HSP90AB1: variants seen among roughly 807,000 people sequenced by gnomAD.
HSP90AB1 encodes heat shock protein HSP 90-beta.
In HSP90AB1, 17 loss-of-function variants were observed where a neutral mutation model predicts 67.8. That is an observed-to-expected ratio of 0.25 (90% confidence interval 0.17 to 0.38). The LOEUF (loss-of-function observed/expected upper bound fraction) is 0.38, where lower values mean the gene tolerates loss of function less well. Ranked by LOEUF, HSP90AB1 falls within the 10% of genes least tolerant of loss-of-function variation. The pLI is 1.00. For synonymous variants in HSP90AB1, 390 were observed against 312.9 expected (o/e 1.25, Z -2.60); for missense variants, 690 against 899.9 (o/e 0.77, Z 2.98).
chr6:44,251,309 A>C (rs1561900086), intron 7 of HSP90AB1, 96 bp downstream of exon 7: 5 of 1,533,366 alleles, frequency 3.3e-6, no homozygotes, highest in Non-Finnish European at 4.5e-6. Flanking sequence ...TCTGCAATAC[A>C]TAGTAGGTGT....
chr6:44,253,189 C>T lies in HSP90AB1; in HGVS notation c.1876C>T (p.Leu626=), dbSNP rs1436120446. The T allele has an allele frequency of 1.2e-6, 2 of 1,614,084 alleles. No homozygotes were observed. Among genetic ancestry groups the T allele is most frequent in the African/African-American group, 2.7e-5 (2 of 74,932 alleles). The part of the protein sequence containing the change: ...TMGYMMAKKH[L]EINPDHPIVE... Reference sequence around the variant, plus strand: ...GGGCTATATGATGGCCAAAAAGCACCTGGAGATCAACCCTGACCACCCCAT... The same window carrying T: ...GGGCTATATGATGGCCAAAAAGCACTTGGAGATCAACCCTGACCACCCCAT... Residue 626 remains leucine, a synonymous_variant, in exon 11 of 12, where the codon CTG becomes TTG. Transcript: ENST00000371646.
At chr6:44,249,956 C>G (rs377375890) in intron 4 of HSP90AB1, 65 bp from the exon 5 acceptor site, 18 of 1,596,382 alleles carry the variant, frequency 1.1e-5, no homozygotes, top group Non-Finnish European at 1.5e-5. Context: ...CTGATACTTA[C>G]TAATTGCTGG....
At chr6:44,252,849 G>C (rs1351676531) in intron 10 of HSP90AB1, among the ~76,000 whole-genome samples, 196 bp from the exon 11 acceptor site, 1 of 150,790 alleles carries the variant, frequency 6.6e-6, no homozygotes, top group Non-Finnish European at 1.5e-5. Flanking sequence ...CAAGTCTCCT[G>C]AGTGGCTGGG....
rs774919578 is a variant in HSP90AB1 at position 44,252,222 on chromosome 6, C to T, written c.1686C>T (p.Asn562=). Residue 562 remains asparagine (N), a synonymous_variant, in exon 10 of 12, where the codon AAC becomes AAT. Transcript: ENST00000371646. ...KMEESKAKFE[N]LCKLMKEILD... is the part of the protein sequence containing the mutation. ...AAGAGAGCAAGGCAAAGTTTGAGAA[C>T]CTCTGCAAGCTCATGAAAGAAATCT... 6.2e-7 allele frequency: 1 copy of T among 1,614,098 alleles called. No homozygotes were observed.
chr6:44,249,949 ATACT>A (rs1466894333), intron 4 of HSP90AB1, 68 bp from the exon 5 acceptor site: 11 of 1,591,832 alleles, frequency 6.9e-6, no homozygotes, highest in Admixed American at 1.7e-5. Flanking sequence ...AGTTCTGCTG[ATACT>A]TACTAATTGC....
intron 6 of HSP90AB1, 35 bp downstream of exon 6, chr6:44,250,634 A>C: frequency 8.5e-7 from 1 of 1,170,718 alleles, no homozygotes. Flanking sequence ...CTCAACATGC[A>C]CATATGGAGA....
At chr6:44,248,301 C>T (rs957359570) in intron 1 of HSP90AB1, among the ~76,000 whole-genome samples, 8 of 152,192 alleles carry the variant, frequency 5.3e-5, no homozygotes, top group Non-Finnish European at 7.3e-5. Context: ...CTCTAGATAC[C>T]TGGGTTGGAC....
At chr6:44,250,208 C>G (rs1780468741) in intron 5 of HSP90AB1, 54 bp downstream of exon 5, 15 of 1,612,124 alleles carry the variant, frequency 9.3e-6, no homozygotes, top group Non-Finnish European at 1.2e-5. Context: ...GTTTCCTGTT[C>G]TGGAGAATCT....
intron 2 of HSP90AB1, 123 bp downstream of exon 2, chr6:44,248,899 C>A: frequency 1.2e-6 from 1 of 862,690 alleles, no homozygotes; most frequent in South Asian, 1.7e-5. Flanking sequence ...GCAGCTATTC[C>A]AAAAAGATGG....
At chr6:44,250,869 C>T (rs772103534) in intron 6 of HSP90AB1, among the ~76,000 whole-genome samples, 179 bp from the exon 7 acceptor site, 3 of 152,224 alleles carry the variant, frequency 2.0e-5, no homozygotes, top group Non-Finnish European at 4.4e-5. Flanking sequence ...TTTCTACATA[C>T]AGCTAGTACC....
intron 1 of HSP90AB1, among the ~76,000 whole-genome samples, 180 bp downstream of exon 1, chr6:44,247,375 T>C (rs996061752): frequency 3.9e-5 from 6 of 152,114 alleles, no homozygotes; most frequent in African/African-American, 1.4e-4. Flanking sequence ...TCCTCGGTTT[T>C]CTCTAGTGTG....
chr6:44,253,733 T>G lies in HSP90AB1; in HGVS notation c.*135T>G, dbSNP rs1781040666. Reference sequence around the variant, plus strand: ...TGTTTTTTTCCCTCTCCTGTCCTTGTGTTGAAGGCAGTAAACTAAGGGTGT... The same window carrying G: ...TGTTTTTTTCCCTCTCCTGTCCTTGGGTTGAAGGCAGTAAACTAAGGGTGT... On this transcript the variant is annotated 3_prime_UTR_variant, in exon 12 of 12. Coordinates refer to ENST00000371646, the MANE Select transcript of HSP90AB1 (RefSeq NM_007355.4). The G allele has an allele frequency of 7.6e-6, 6 of 789,206 alleles. No homozygotes were observed. In the East Asian group the frequency reaches 1.5e-4, roughly 19 times the overall value. The allele number at this position is 789,206 out of a possible 1,614,324, so 48.9% of individuals were successfully genotyped here.
At position 44,253,744 on chromosome 6, in the gene HSP90AB1, G is replaced by A. The variant is rs1781042507; in HGVS notation, c.*146G>A. 1 of 782,336 alleles carries A rather than the reference G, an allele frequency of 1.3e-6. No individual in the cohort carries two copies. The highest frequency in any genetic ancestry group is 2.4e-6 in the Non-Finnish European group (1 of 420,674). The allele number at this position is 782,336 out of a possible 1,614,324, so 48.5% of individuals were successfully genotyped here. A position where few individuals can be genotyped will look rare whatever the true frequency, so the allele number is the denominator to read the frequency against. ...CTCTCCTGTCCTTGTGTTGAAGGCA[G>A]TAAACTAAGGGTGTCAAGCCCCATT... On this transcript the variant is annotated 3_prime_UTR_variant, in exon 12 of 12. Transcript: ENST00000371646.
intron 2 of HSP90AB1, among the ~76,000 whole-genome samples, chr6:44,248,984 A>G (rs1278416610): frequency 4.6e-5 from 7 of 152,240 alleles, no homozygotes; most frequent in African/African-American, 1.2e-4. Flanking sequence ...AACTGGTTCT[A>G]AAGCCTCAAG....
In HSP90AB1 at chr6:44,248,763, C is replaced by G; in HGVS notation, c.134C>G (p.Ser45Cys). ...NKEIFLRELI[S>C]NASDALDKIR... ...GAGATTTTCCTTCGGGAGTTGATCT[C>G]TAATGCTTCTGATGTAGGTGCTCTG... is the stretch of plus-strand genomic sequence containing the variant. Residue 45 changes from serine (S) to cysteine (C), a missense_variant, in exon 2 of 12, where the codon TCT (serine) becomes TGT (cysteine). Ser to Cys is a moderately radical substitution (Grantham distance 112). Transcript: ENST00000371646. 6.2e-7 allele frequency: 1 copy of G among 1,613,260 alleles called. No homozygotes were observed. The highest frequency in any genetic ancestry group is 8.5e-7 in the Non-Finnish European group (1 of 1,179,686).
intron 2 of HSP90AB1, 87 bp from the exon 3 acceptor site, chr6:44,249,290 C>A: frequency 1.8e-6 from 2 of 1,092,876 alleles, no homozygotes; most frequent in Non-Finnish European, 2.8e-6. Context: ...AGTGAGCTGT[C>A]ATCCTTGCCA....
In HSP90AB1 at chr6:44,248,702, A is replaced by G; in HGVS notation, c.73A>G (p.Met25Val). Residue 25 changes from methionine (M) to valine (V), a missense_variant, in exon 2 of 12, where the codon ATG becomes GTG. This residue lies in a region of HSP90AB1 where 88 missense variants were observed against 167.7 expected (regional missense o/e 0.52). Transcript: ENST00000371646. ...FAFQAEIAQL[M>V]SLIINTFYSN... ...CTTTCAGGCAGAAATTGCCCAACTC[A>G]TGTCCCTCATCATCAATACCTTCTA... is the stretch of plus-strand genomic sequence containing the variant. 1.2e-6 allele frequency: 2 copies of G among 1,613,992 alleles called. No individual in the cohort carries two copies. The highest frequency in any genetic ancestry group is 8.5e-7 in the Non-Finnish European group (1 of 1,179,786).
chr6:44,253,357 C>T lies in HSP90AB1; in HGVS notation c.2044C>T (p.Arg682Cys), dbSNP rs1446797837. 13 of 1,614,032 alleles carry T rather than the reference C, an allele frequency of 8.1e-6. No homozygotes were observed. The highest frequency in any genetic ancestry group is 3.3e-5 in the South Asian group (3 of 91,080). ...DPQTHSNRIY[R>C]MIKLGLGIDE... ...CCAGACCCACTCCAACCGCATCTAT[C>T]GCATGATCAAGCTAGGTCTAGGTAA... Residue 682 changes from arginine (R) to cysteine (C), a missense_variant, in exon 11 of 12, where the codon CGC (arginine) becomes TGC (cysteine). This residue lies in a region of HSP90AB1 where 120 missense variants were observed against 153.5 expected (regional missense o/e 0.78). Coordinates refer to ENST00000371646, the MANE Select transcript of HSP90AB1 (RefSeq NM_007355.4).
chr6:44,252,899 A>G, intron 10 of HSP90AB1, 146 bp from the exon 11 acceptor site: 1 of 630,112 alleles, frequency 1.6e-6, no homozygotes, highest in Non-Finnish European at 2.8e-6. Context: ...AATTTTTTGT[A>G]GACAGGGTTT....
Sources: gnomAD v4.1 joint callset for allele counts (sites outside exome capture counted in the v4.1 genomes callset) on GRCh38, gnomAD v4.1.1 for gene constraint, gnomAD v4.1.1 regional missense constraint, MANE v1.5 for transcripts, NCBI Gene and HGNC (gene_info 2026-07-23, HGNC 2026-07-21) for gene names.